Variants in LRBA observed in about 807,000 individuals in gnomAD.
LRBA encodes lipopolysaccharide-responsive and beige-like anchor protein.
A neutral mutation model predicts 330.0 loss-of-function variants in LRBA; 176 were observed. That is an observed-to-expected ratio of 0.53 (90% confidence interval 0.47 to 0.60). LRBA has a LOEUF of 0.60. Ranked by LOEUF, LRBA falls within the 20% of genes least tolerant of loss-of-function variation. The probability of loss-of-function intolerance (pLI) is 0.00; values close to 1 mark genes in which losing one functional copy is unlikely to be tolerated. For missense variants in LRBA, 3,259 were observed against 3,444.8 expected, an observed-to-expected ratio of 0.95 and a Z score of 1.35; for synonymous variants, 1,230 against 1,193.0, an observed-to-expected ratio of 1.03 and a Z score of -0.64.
intron 47 of LRBA, among the ~76,000 whole-genome samples, chr4:150,406,064 A>C (rs1423021971): frequency 1.3e-5 from 2 of 152,126 alleles, no homozygotes; most frequent in Admixed American, 1.3e-4. Context: ...CAAAAAATAA[A>C]ATGTATATTG....
At chr4:150,390,795 C>G (rs531849959) in intron 47 of LRBA, among the ~76,000 whole-genome samples, 2 of 152,230 alleles carry the variant, frequency 1.3e-5, no homozygotes, top group South Asian at 4.1e-4. Context: ...ACAGAAAATT[C>G]TGATAAAAGA....
intron 22 of LRBA, among the ~76,000 whole-genome samples, chr4:150,856,766 T>G (rs1751271075): frequency 6.6e-6 from 1 of 152,192 alleles, no homozygotes; most frequent in Non-Finnish European, 1.5e-5. Flanking sequence ...TGTTCTAAAT[T>G]ACCCAGCTAA....
In LRBA at chr4:150,302,752, G is replaced by T; in HGVS notation, c.7890C>A (p.Val2630=). 1 of 1,609,776 alleles carries T rather than the reference G, an allele frequency of 6.2e-7. No homozygotes were observed. The highest frequency in any genetic ancestry group is 1.1e-5 in the South Asian group (1 of 90,286). The change falls in exon 53 of 57, where the codon GTC becomes GTA. Residue 2630 remains valine, a synonymous_variant. Transcript: ENST00000651943. ...ATGACTCAGAACGAGCAAGGCAAGT[G>T]ACGACATCCCAATGGCCAAACACCA... ...IQVVFGHWDV[V]TCLARSESYI...
intron 47 of LRBA, among the ~76,000 whole-genome samples, chr4:150,381,023 T>C: frequency 6.6e-6 from 1 of 151,084 alleles, no homozygotes; most frequent in South Asian, 2.1e-4. Context: ...ATTTTGTTTT[T>C]AACTTAGAAC....
chr4:150,576,467 A>T (rs1770562575), intron 40 of LRBA, among the ~76,000 whole-genome samples: 1 of 151,956 alleles, frequency 6.6e-6, no homozygotes, highest in African/African-American at 2.4e-5. Flanking sequence ...CTAGCGCAAT[A>T]ATATAATGGC....
At chr4:150,966,125 A>G (rs1197630053) in intron 2 of LRBA, among the ~76,000 whole-genome samples, 1 of 152,186 alleles carries the variant, frequency 6.6e-6, no homozygotes, top group East Asian at 1.9e-4. Flanking sequence ...CTATGGTATT[A>G]TGTGAAATTT....
chr4:150,661,078 T>TAAA (rs559512113), intron 37 of LRBA, among the ~76,000 whole-genome samples: 8 of 102,620 alleles, frequency 7.8e-5, no homozygotes, highest in East Asian at 2.6e-4. Context: ...AAAAATAAAT[T>TAAA]AAAAAAAAAA....
chr4:150,908,562 C>T (rs964022257), intron 10 of LRBA, 95 bp from the exon 11 acceptor site: 150 of 1,435,002 alleles, frequency 1.0e-4, no homozygotes, highest in Non-Finnish European at 1.3e-4. Flanking sequence ...ACACTATAAA[C>T]GTGACATTCC....
chr4:150,813,646 T>C (rs576106274), intron 31 of LRBA, among the ~76,000 whole-genome samples: 2 of 152,254 alleles, frequency 1.3e-5, no homozygotes, highest in South Asian at 2.1e-4. Flanking sequence ...TTATTATCTA[T>C]CTAGTACTAG....
chr4:150,621,478 A>G (rs1776283903), intron 37 of LRBA, among the ~76,000 whole-genome samples: 1 of 152,186 alleles, frequency 6.6e-6, no homozygotes, highest in Admixed American at 6.5e-5. Flanking sequence ...TAGTTAGAGC[A>G]CTAGTTAGAA....
chr4:150,824,343 T>C (rs186454062), intron 30 of LRBA, among the ~76,000 whole-genome samples: 2 of 152,312 alleles, frequency 1.3e-5, no homozygotes, highest in Non-Finnish European at 2.9e-5. Context: ...CTAAATACTC[T>C]AAATACAAGA....
At chr4:150,734,299 A>G (rs1028494881) in intron 36 of LRBA, among the ~76,000 whole-genome samples, 1 of 152,050 alleles carries the variant, frequency 6.6e-6, no homozygotes, top group African/African-American at 2.4e-5. Context: ...ATTCCAGTAA[A>G]AATTTTCAGT....
intron 36 of LRBA, among the ~76,000 whole-genome samples, chr4:150,700,663 ATT>A (rs1009717268): frequency 6.6e-6 from 1 of 151,970 alleles, no homozygotes; most frequent in Non-Finnish European, 1.5e-5. Flanking sequence ...ATTTTTTAAA[ATT>A]GTTTAACTCT....
chr4:150,354,942 GTGTGTATATATATATGTGTGTGTC>G, intron 47 of LRBA, among the ~76,000 whole-genome samples: 1 of 152,128 alleles, frequency 6.6e-6, no homozygotes, highest in Non-Finnish European at 1.5e-5. Context: ...ATGTGTGTGT[GTGTGTATATATATATGTGTGTGTC>G]TGTGTGCATG....
At chr4:150,591,732 C>T (rs1463497590) in intron 38 of LRBA, among the ~76,000 whole-genome samples, 2 of 152,048 alleles carry the variant, frequency 1.3e-5, no homozygotes, top group African/African-American at 4.8e-5. Context: ...GACAAGGCAG[C>T]AACTGCAGGC....
chr4:150,292,616 T>G (rs2126806260), intron 53 of LRBA, among the ~76,000 whole-genome samples: 1 of 152,314 alleles, frequency 6.6e-6, no homozygotes, highest in African/African-American at 2.4e-5. Flanking sequence ...TGTTCACCCA[T>G]TCATTCCTTC....
intron 38 of LRBA, among the ~76,000 whole-genome samples, chr4:150,598,404 T>G (rs1443403409): frequency 6.6e-6 from 1 of 152,146 alleles, no homozygotes; most frequent in Non-Finnish European, 1.5e-5. Flanking sequence ...TCATATGCAT[T>G]GTATCAAAAA....
chr4:150,696,844 C>CAAA (rs35188689), intron 36 of LRBA, among the ~76,000 whole-genome samples: 3 of 137,892 alleles, frequency 2.2e-5, no homozygotes, highest in Middle Eastern at 3.6e-3. Context: ...CCCATCTCCA[C>CAAA]AAAAAAAAAA....
intron 46 of LRBA, among the ~76,000 whole-genome samples, chr4:150,428,791 T>C (rs1242884069): frequency 1.3e-5 from 2 of 152,120 alleles, no homozygotes; most frequent in Non-Finnish European, 2.9e-5. Flanking sequence ...GCCTTCATAT[T>C]AGACTCAACT....
Sources: gnomAD v4.1 joint callset for allele counts (sites outside exome capture counted in the v4.1 genomes callset) on GRCh38, gnomAD v4.1.1 for gene constraint, MANE v1.5 for transcripts, NCBI Gene and HGNC (gene_info 2026-07-23, HGNC 2026-07-21) for gene names.